Variants in SORBS2 observed in about 807,000 individuals in gnomAD.
SORBS2 encodes the protein sorbin and SH3 domain containing 2, also known as sorbin and SH3 domain-containing protein 2.
In SORBS2, 46 loss-of-function variants were observed where a neutral mutation model predicts 97.7. That is an observed-to-expected ratio of 0.47 (90% CI 0.37 to 0.60). The LOEUF (loss-of-function observed/expected upper bound fraction) is 0.60. Among genes scored for constraint, SORBS2 ranks in the 20% least tolerant of loss-of-function variants. The pLI is 0.00. For missense variants in SORBS2, 1,316 were observed against 1,282.3 expected, an observed-to-expected ratio of 1.03 and a Z score of -0.40; for synonymous variants, 476 against 473.4, an observed-to-expected ratio of 1.01 and a Z score of -0.07.
chr4:185,769,303 A>C (rs2098955801), intron 2 of SORBS2, among the ~76,000 whole-genome samples: 1 of 152,184 alleles, frequency 6.6e-6, no homozygotes, highest in African/African-American at 2.4e-5. Context: ...GTTTTTAATA[A>C]TTTTGTGCAT....
At chr4:185,912,945 A>G (rs1054185517) in intron 1 of SORBS2, among the ~76,000 whole-genome samples, 2 of 152,202 alleles carry the variant, frequency 1.3e-5, no homozygotes, top group African/African-American at 2.4e-5. Context: ...ATTGTGCTGC[A>G]TTAGTTTTAT....
At chr4:185,932,425 T>A (rs1052657030) in intron 1 of SORBS2, among the ~76,000 whole-genome samples, 1 of 151,812 alleles carries the variant, frequency 6.6e-6, no homozygotes, top group African/African-American at 2.4e-5. Context: ...TACTTCTGGA[T>A]GGCAAGGATG....
intron 1 of SORBS2, among the ~76,000 whole-genome samples, chr4:185,921,083 C>T (rs2099260716): frequency 6.6e-6 from 1 of 152,158 alleles, no homozygotes; most frequent in Non-Finnish European, 1.5e-5. Context: ...GCTGGCTTCC[C>T]CTTCATGATT....
chr4:185,934,346 C>T (rs1017486466), intron 1 of SORBS2, among the ~76,000 whole-genome samples: 3 of 152,204 alleles, frequency 2.0e-5, no homozygotes, highest in African/African-American at 7.2e-5. Flanking sequence ...CACGCAAAGG[C>T]TTGCACTCAC....
upstream of SORBS2, among the ~76,000 whole-genome samples, chr4:185,659,715 C>A (rs1045553771): frequency 1.2e-4 from 19 of 152,282 alleles, no homozygotes; most frequent in Middle Eastern, 6.8e-3. Context: ...GCCACCGCGC[C>A]CGGCTAAGCT....
intron 1 of SORBS2, among the ~76,000 whole-genome samples, chr4:185,950,493 G>T (rs2099276697): frequency 6.6e-6 from 1 of 152,178 alleles, no homozygotes; most frequent in Non-Finnish European, 1.5e-5. Context: ...ATTCTGTGCA[G>T]GTTGAGGGTT....
chr4:185,944,588 G>A (rs1262240629), intron 1 of SORBS2, among the ~76,000 whole-genome samples: 1 of 152,178 alleles, frequency 6.6e-6, no homozygotes, highest in Non-Finnish European at 1.5e-5. Context: ...CAGAGAAGCT[G>A]AAATGTGGCA....
At position 185,897,139 on chromosome 4, in the gene SORBS2, C is replaced by A. The variant is rs11733555; in HGVS notation, c.-338+59057G>T. Among the ~76,000 whole-genome samples the A allele has an allele frequency of 4.6e-4, 70 of 152,120 alleles. 1 individual carries two copies. Among genetic ancestry groups the A allele is most frequent in the African/African-American group, 1.6e-3 (65 of 41,504 alleles). ...AACCAGAATCCCTCTTCCTCCAGGA[C>A]CGTCACAGTAACCACAACCCCTTTG... On this transcript the variant is annotated intron_variant, in intron 1 of 20. Coordinates refer to the SORBS2 transcript ENST00000284776.
intron 1 of SORBS2, among the ~76,000 whole-genome samples, chr4:185,951,969 A>T (rs4861689): frequency 0.89 from 135,975 of 152,058 alleles, 60,846 homozygotes; most frequent in East Asian, 0.95. Context: ...GAAACAAACA[A>T]CCCCAAAATT....
At chr4:185,741,030 C>G (rs1190275886) in intron 2 of SORBS2, among the ~76,000 whole-genome samples, 1 of 152,140 alleles carries the variant, frequency 6.6e-6, no homozygotes, top group African/African-American at 2.4e-5. Flanking sequence ...CCAACTCAAA[C>G]CAGCACCAAC....
chr4:185,679,375 C>T (rs546151897), intron 2 of SORBS2, among the ~76,000 whole-genome samples: 1 of 152,134 alleles, frequency 6.6e-6, no homozygotes, highest in South Asian at 2.1e-4. Context: ...TCATTTTATA[C>T]TCAAATATGA....
At chr4:185,867,426 A>C (rs1399783402) in intron 1 of SORBS2, among the ~76,000 whole-genome samples, 1 of 152,212 alleles carries the variant, frequency 6.6e-6, no homozygotes, top group African/African-American at 2.4e-5. Context: ...TGATATGAAA[A>C]CAGGCACGAG....
chr4:185,928,061 C>A (rs1002800061), intron 1 of SORBS2, among the ~76,000 whole-genome samples: 4 of 152,034 alleles, frequency 2.6e-5, no homozygotes, highest in African/African-American at 9.7e-5. Flanking sequence ...TCTCAAATGA[C>A]CCATGAGAAT....
rs530492583 is a variant in SORBS2 at position 185,688,499 on chromosome 4, T to C, written c.-197-9677A>G. Among the ~76,000 whole-genome samples, 11 of 134,130 alleles carry C rather than the reference T, an allele frequency of 8.2e-5. No homozygotes were observed. The East Asian group carries it at 2.0e-3, about 24-fold the overall frequency. 88.0% of individuals were successfully genotyped at this position (134,130 alleles called of 152,430 possible). A position where few individuals can be genotyped will look rare whatever the true frequency, so the allele number is the denominator to read the frequency against. On this transcript the variant is annotated intron_variant, in intron 2 of 20. Coordinates refer to the SORBS2 transcript ENST00000284776. The stretch of plus-strand genomic sequence containing the variant: ...CATTATCTATCTGTCTATTGATAGA[T>C]AGATAAATAGATAGATAGATAGATA...
intron 2 of SORBS2, among the ~76,000 whole-genome samples, chr4:185,717,513 A>G (rs2098475783): frequency 6.6e-6 from 1 of 152,184 alleles, no homozygotes; most frequent in Non-Finnish European, 1.5e-5. Flanking sequence ...GTAATTTCTT[A>G]AGACGCTAGA....
chr4:185,753,997 G>A (rs142287628), intron 2 of SORBS2, among the ~76,000 whole-genome samples: 112 of 152,142 alleles, frequency 7.4e-4, no homozygotes, highest in African/African-American at 2.1e-3. Context: ...ACACATGCAC[G>A]CATATATTCA....
chr4:185,745,768 T>C (rs1268253621), intron 2 of SORBS2, among the ~76,000 whole-genome samples: 3 of 152,192 alleles, frequency 2.0e-5, no homozygotes, highest in Admixed American at 6.5e-5. Flanking sequence ...ATCTACCCCC[T>C]CCCCCGATTT....
At chr4:185,597,395 T>C (rs913699063) in intron 12 of SORBS2, among the ~76,000 whole-genome samples, 1 of 152,106 alleles carries the variant, frequency 6.6e-6, no homozygotes. Context: ...CTGACATTGA[T>C]TGGTTAATTC....
In SORBS2 at chr4:185,873,491, A is replaced by G. The variant is rs6823535; in HGVS notation, c.-338+82705T>C. On this transcript the variant is annotated intron_variant, in intron 1 of 20. Transcript: ENST00000284776. ...TTTTGACAGCTTTAGTTGTGTTTCC[A>G]ACTTTGAAAATTGATAAGCATGAAC... Among the ~76,000 whole-genome samples, 192 of 152,342 alleles carry G rather than the reference A, an allele frequency of 1.3e-3. 1 individual carries two copies. Among genetic ancestry groups the G allele is most frequent in the African/African-American group, 4.4e-3 (184 of 41,580 alleles).
Sources: allele counts gnomAD v4.1 joint callset (sites outside exome capture counted in the v4.1 genomes callset), GRCh38; gene constraint gnomAD v4.1.1; transcripts MANE v1.5; gene names NCBI Gene and HGNC (gene_info 2026-07-23, HGNC 2026-07-21).